The following P2RY8 variants were observed in gnomAD, a reference collection of about 807,000 sequenced individuals.
P2RY8 encodes the protein S-geranylgeranyl-glutathione receptor P2RY8.
P2RY8 carries 6 observed loss-of-function variants against 10.0 expected under a neutral mutation model. That is an observed-to-expected ratio of 0.60 (90% CI 0.33 to 1.19). P2RY8 has a LOEUF of 1.19. Ranked by LOEUF, P2RY8 falls within the 50% of genes most tolerant of loss-of-function variation. The pLI, the probability that P2RY8 is intolerant of heterozygous loss-of-function variation, is 0.04. For missense variants in P2RY8, 456 were observed against 542.0 expected (o/e 0.84, Z 1.58); for synonymous variants, 276 against 252.5 (o/e 1.09, Z -0.88).
intron 1 of P2RY8, among the ~76,000 whole-genome samples, chrX:1,509,091 GTATCTATGTATCTATCTATC>G (rs2092266409): frequency 3.1e-5 from 4 of 129,892 alleles, no homozygotes; most frequent in Non-Finnish European, 6.7e-5. Context: ...ATCTATCTAT[GTATCTATGTATCTATCTATC>G]TATCTATCTA....
At chrX:1,475,337 C>T (rs1429796082) in intron 1 of P2RY8, among the ~76,000 whole-genome samples, 1 of 151,810 alleles carries the variant, frequency 6.6e-6, no homozygotes, top group African/African-American at 2.4e-5. Context: ...TGGATGGATG[C>T]TTCTATCCAC....
Position 1,521,237 on chromosome X carries a change from G to A in P2RY8, c.-25+15684C>T, listed in dbSNP as rs2092389048. Among the ~76,000 whole-genome samples the A allele has an allele frequency of 2.0e-5, 3 of 151,910 alleles. No individual in the cohort carries two copies. The South Asian group carries it at 6.2e-4, about 32-fold the overall frequency. The stretch of plus-strand genomic sequence containing the variant: ...CTAATTTTTGTATTTTAGTAGAGAC[G>A]GAGTTTCACTATATTGGCCAGGATG... On this transcript the variant is annotated intron_variant, in intron 1 of 1. Transcript: ENST00000381297.
Position 1,465,858 on chromosome X carries a change from C to T in P2RY8, c.701G>A (p.Arg234His), listed in dbSNP as rs762114324. 6.2e-7 allele frequency: 1 copy of T among 1,612,488 alleles called. No individual in the cohort carries two copies. Among genetic ancestry groups the T allele is most frequent in the South Asian group, 1.1e-5 (1 of 91,032 alleles). The change falls in exon 2 of 2, where the codon CGC becomes CAC. Residue 234 changes from arginine (R) to histidine (H), a missense_variant. Arg to His is a conservative substitution (Grantham distance 29). Transcript: ENST00000381297. ...EEAHGREQRR[R>H]AVGLAAVVLL... ...GACCACCGCGGCCAGGCCCACCGCG[C>T]GCCTCCGCTGCTCCCGGCCGTGCGC...
chrX:1,529,027 T>G (rs1376533190), intron 1 of P2RY8, among the ~76,000 whole-genome samples: 1 of 152,144 alleles, frequency 6.6e-6, no homozygotes, highest in Non-Finnish European at 1.5e-5. Context: ...GTTTTGCAAG[T>G]AAAAATGTCA....
At chrX:1,467,218 C>A (rs1372687695) in intron 1 of P2RY8, among the ~76,000 whole-genome samples, 9 of 152,172 alleles carry the variant, frequency 5.9e-5, no homozygotes, top group East Asian at 5.8e-4. Context: ...GAGACCAACC[C>A]GCAGCCTCCA....
Position 1,463,084 on chromosome X carries a change from T to C in P2RY8, c.*2395A>G, listed in dbSNP as rs1392133443. 24 of 233,096 alleles carry C rather than the reference T, an allele frequency of 1.0e-4. No individual in the cohort carries two copies. The highest frequency in any genetic ancestry group is 4.4e-4 in the African/African-American group (20 of 45,328). 14.4% of individuals were successfully genotyped at this position (233,096 alleles called of 1,614,324 possible). Reference sequence around the variant, plus strand: ...GGAAGGATATTGTCTCGGCTTCCTCTGACTCAAGCTCTCATTTTTGTTTAC... The same window carrying C: ...GGAAGGATATTGTCTCGGCTTCCTCCGACTCAAGCTCTCATTTTTGTTTAC... On this transcript the variant is annotated 3_prime_UTR_variant, in exon 2 of 2. Transcript: ENST00000381297.
At chrX:1,521,895 G>A (rs186868045) in intron 1 of P2RY8, among the ~76,000 whole-genome samples, 3 of 147,332 alleles carry the variant, frequency 2.0e-5, no homozygotes, top group Non-Finnish European at 4.5e-5. Flanking sequence ...GAGACAAGGG[G>A]TATTGCATGG....
intron 1 of P2RY8, among the ~76,000 whole-genome samples, chrX:1,527,219 A>G (rs2092445205): frequency 6.6e-6 from 1 of 151,720 alleles, no homozygotes; most frequent in Admixed American, 6.6e-5. Context: ...TTATCCATCC[A>G]CCTACCTATC....
intron 1 of P2RY8, among the ~76,000 whole-genome samples, chrX:1,533,035 GAAAA>G (rs1187962041): frequency 1.2e-4 from 16 of 129,756 alleles, no homozygotes; most frequent in African/African-American, 3.8e-4. Context: ...ACGAAAGAAA[GAAAA>G]AAGAAAAAAA....
chrX:1,514,981 G>C (rs2092334697), intron 1 of P2RY8, among the ~76,000 whole-genome samples: 1 of 144,270 alleles, frequency 6.9e-6, no homozygotes, highest in Non-Finnish European at 1.5e-5. Context: ...TCAGCTCACT[G>C]TAACCTCAGC....
chrX:1,486,095 G>C (rs1265288400), intron 1 of P2RY8, among the ~76,000 whole-genome samples: 1 of 152,286 alleles, frequency 6.6e-6, no homozygotes, highest in Admixed American at 6.5e-5. Context: ...GCAGGCACCT[G>C]TCATCCCAGC....
intron 1 of P2RY8, among the ~76,000 whole-genome samples, chrX:1,527,285 C>G (rs1357511435): frequency 6.6e-6 from 1 of 152,090 alleles, no homozygotes; most frequent in African/African-American, 2.4e-5. Context: ...ATTCATTCAT[C>G]CACTTATTCA....
Position 1,495,439 on chromosome X carries a change from C to A in P2RY8, c.-24-28857G>T, listed in dbSNP as rs189141585. Among the ~76,000 whole-genome samples the A allele has an allele frequency of 3.9e-3, 593 of 152,184 alleles. 4 individuals carry two copies. The highest frequency in any genetic ancestry group is 6.8e-3 in the Middle Eastern group (2 of 294). On this transcript the variant is annotated intron_variant, in intron 1 of 1. Transcript: ENST00000381297. ...CTCATAAGAAGAGGAGATGAGGACA[C>A]AGACACACACAGAGGGACGACACTG...
At chrX:1,532,867 G>A (rs2092489947) in intron 1 of P2RY8, among the ~76,000 whole-genome samples, 1 of 151,798 alleles carries the variant, frequency 6.6e-6, no homozygotes, top group Non-Finnish European at 1.5e-5. Context: ...GGGTGTGGTG[G>A]CACATGCGTG....
chrX:1,490,858 C>G lies in P2RY8; in HGVS notation c.-24-24276G>C, dbSNP rs1439880155. On this transcript the variant is annotated intron_variant, in intron 1 of 1. Transcript: ENST00000381297. ...ATGAATGAATGATACCCCAGATTCACTTCTGCAAATGTAGAGAGAATGAAT... is the reference window on the plus strand; with the variant it reads ...ATGAATGAATGATACCCCAGATTCAGTTCTGCAAATGTAGAGAGAATGAAT... Among the ~76,000 whole-genome samples, 12 of 145,266 alleles carry G rather than the reference C, an allele frequency of 8.3e-5. No homozygotes were observed. In the East Asian group the frequency reaches 1.1e-3, roughly 13 times the overall value.
chrX:1,506,115 C>T (rs1337329059), intron 1 of P2RY8, among the ~76,000 whole-genome samples: 1 of 151,420 alleles, frequency 6.6e-6, no homozygotes, highest in Non-Finnish European at 1.5e-5. Flanking sequence ...GCCTCAGCCT[C>T]CCTAGTAGCT....
Position 1,509,809 on chromosome X carries a change from C to G in P2RY8, c.-25+27112G>C, listed in dbSNP as rs2092284393. 6.3e-3 allele frequency among the ~76,000 whole-genome samples: 460 copies of G among 73,512 alleles called. 2 individuals carry two copies. The highest frequency in any genetic ancestry group is 0.012 in the Middle Eastern group (1 of 86). The allele number at this position is 73,512 out of a possible 152,430, so 48.2% of individuals were successfully genotyped here. ...CTATGTATCCATCCTATCTATCTAT[C>G]TATCTATCTATCTATCTATCTATCT... is the stretch of plus-strand genomic sequence containing the variant. On this transcript the variant is annotated intron_variant, in intron 1 of 1. Coordinates refer to ENST00000381297, the MANE Select transcript of P2RY8 (RefSeq NM_178129.5).
intron 1 of P2RY8, among the ~76,000 whole-genome samples, chrX:1,533,274 G>C (rs1440804479): frequency 1.3e-5 from 2 of 149,630 alleles, no homozygotes; most frequent in Non-Finnish European, 3.0e-5. Context: ...ACACACATCA[G>C]CTTCTGAAAA....
intron 1 of P2RY8, among the ~76,000 whole-genome samples, chrX:1,533,343 A>AT (rs1279970591): frequency 1.4e-5 from 2 of 147,564 alleles, no homozygotes; most frequent in African/African-American, 4.9e-5. Context: ...AAAATAATAT[A>AT]TATATATTCA....
Sources: gnomAD v4.1 joint callset for allele counts (sites outside exome capture counted in the v4.1 genomes callset) on GRCh38, gnomAD v4.1.1 for gene constraint, MANE v1.5 for transcripts, NCBI Gene and HGNC (gene_info 2026-07-23, HGNC 2026-07-21) for gene names.